PPM1H: variants seen among roughly 807,000 people sequenced by gnomAD.
PPM1H encodes the protein protein phosphatase 1H.
PPM1H carries 27 observed loss-of-function variants against 54.9 expected under a neutral mutation model. The ratio of observed to expected loss-of-function variants is 0.49; its 90% confidence interval spans 0.36 to 0.68. The LOEUF (loss-of-function observed/expected upper bound fraction) is 0.68. PPM1H is among the 30% of genes least tolerant of loss of function. The pLI is 0.00. For synonymous variants in PPM1H, 305 were observed against 270.8 expected, an observed-to-expected ratio of 1.13 and a Z score of -1.24; for missense variants, 596 against 667.8, an observed-to-expected ratio of 0.89 and a Z score of 1.19.
intron 1 of PPM1H, among the ~76,000 whole-genome samples, chr12:62,884,920 G>A: frequency 6.6e-6 from 1 of 152,230 alleles, no homozygotes; most frequent in East Asian, 1.9e-4. Flanking sequence ...TATTGAGGGT[G>A]TATTAGTCTA....
At chr12:62,791,204 T>C (rs772474135) in intron 3 of PPM1H, among the ~76,000 whole-genome samples, 2 of 152,132 alleles carry the variant, frequency 1.3e-5, no homozygotes, top group Non-Finnish European at 2.9e-5. Flanking sequence ...CAGAAACCCA[T>C]GCTTCAATTA....
At position 62,769,104 on chromosome 12, in the gene PPM1H, T is replaced by A. The variant is rs533064962; in HGVS notation, c.869+19122A>T. 3.9e-5 allele frequency among the ~76,000 whole-genome samples: 6 copies of A among 152,216 alleles called. No homozygotes were observed. The South Asian group carries it at 1.0e-3, about 26-fold the overall frequency. On this transcript the variant is annotated intron_variant, in intron 4 of 9. Coordinates refer to ENST00000228705, the MANE Select transcript of PPM1H (RefSeq NM_020700.2). Reference sequence around the variant, plus strand: ...TGAGAGTTCTTGCAGAAATGTTGGGTCAACCAGAAGACTGCTTGCTGGCAA... The same window carrying A: ...TGAGAGTTCTTGCAGAAATGTTGGGACAACCAGAAGACTGCTTGCTGGCAA...
At chr12:62,685,676 TA>T (rs2076047178) in intron 8 of PPM1H, among the ~76,000 whole-genome samples, 1 of 152,194 alleles carries the variant, frequency 6.6e-6, no homozygotes, top group Non-Finnish European at 1.5e-5. Flanking sequence ...AAGTTTCAGT[TA>T]AACAGGAGGA....
chr12:62,684,278 T>G (rs940141383), intron 8 of PPM1H, among the ~76,000 whole-genome samples: 9 of 152,112 alleles, frequency 5.9e-5, no homozygotes, highest in Non-Finnish European at 1.2e-4. Context: ...GGGCCTCTCT[T>G]GGAATTCAGT....
intron 6 of PPM1H, among the ~76,000 whole-genome samples, chr12:62,706,066 A>C (rs2076172550): frequency 6.6e-6 from 1 of 152,232 alleles, no homozygotes. Flanking sequence ...AGCCACATGC[A>C]GGGACTTTAA....
chr12:62,882,242 A>G (rs1417176460), intron 1 of PPM1H, among the ~76,000 whole-genome samples: 1 of 152,232 alleles, frequency 6.6e-6, no homozygotes, highest in East Asian at 1.9e-4. Context: ...GTGCCCTGCT[A>G]GAGTCTGGAG....
intron 4 of PPM1H, among the ~76,000 whole-genome samples, chr12:62,768,858 C>T (rs985633262): frequency 8.5e-5 from 13 of 152,134 alleles, no homozygotes; most frequent in South Asian, 4.1e-4. Context: ...AATCTAAGTA[C>T]GGAGAGGCAC....
chr12:62,755,377 G>C, intron 4 of PPM1H: 2 of 810,224 alleles, frequency 2.5e-6, no homozygotes, highest in Non-Finnish European at 4.3e-6. Context: ...GTATGATTTT[G>C]TCTGTGGCAA....
At chr12:62,713,418 G>A (rs1399497435) in intron 6 of PPM1H, among the ~76,000 whole-genome samples, 1 of 152,070 alleles carries the variant, frequency 6.6e-6, no homozygotes, top group African/African-American at 2.4e-5. Flanking sequence ...GAGGGGAGGT[G>A]CGCTACTGAC....
chr12:62,841,568 T>C (rs1226620339), intron 1 of PPM1H, among the ~76,000 whole-genome samples: 1 of 152,186 alleles, frequency 6.6e-6, no homozygotes, highest in Non-Finnish European at 1.5e-5. Context: ...CCTGAACTTA[T>C]TAGGTTGAAT....
intron 4 of PPM1H, among the ~76,000 whole-genome samples, chr12:62,774,403 G>A (rs868276931): frequency 1.3e-5 from 2 of 152,086 alleles, no homozygotes; most frequent in African/African-American, 4.8e-5. Context: ...GTGCAGTGGC[G>A]TGATCAAGGT....
At chr12:62,869,760 C>T (rs963367567) in intron 1 of PPM1H, among the ~76,000 whole-genome samples, 1 of 152,166 alleles carries the variant, frequency 6.6e-6, no homozygotes, top group Non-Finnish European at 1.5e-5. Flanking sequence ...TCCATCACAG[C>T]CTCAAGAATG....
At position 62,674,020 on chromosome 12, in the gene PPM1H, C is replaced by T. The variant is rs144397251; in HGVS notation, c.1246-6691G>A. 3.7e-3 allele frequency among the ~76,000 whole-genome samples: 559 copies of T among 152,030 alleles called. 2 individuals are homozygous for T. Among genetic ancestry groups the T allele is most frequent in the African/African-American group, 0.013 (539 of 41,516 alleles). ...GTACACACCACTGCACCTGGCCTAG[C>T]GCTCAATTTTCCTATCTCTGAAATC... On this transcript the variant is annotated intron_variant, in intron 8 of 9. Coordinates refer to ENST00000228705, the MANE Select transcript of PPM1H (RefSeq NM_020700.2).
intron 1 of PPM1H, among the ~76,000 whole-genome samples, chr12:62,922,819 A>G (rs1306555803): frequency 6.6e-6 from 1 of 152,214 alleles, no homozygotes; most frequent in Non-Finnish European, 1.5e-5. Context: ...TTGATTCATC[A>G]TGAGCACTTT....
At chr12:62,810,844 G>T (rs1166942539) in intron 2 of PPM1H, among the ~76,000 whole-genome samples, 2 of 152,156 alleles carry the variant, frequency 1.3e-5, no homozygotes, top group African/African-American at 2.4e-5. Context: ...GATGATAAAG[G>T]ACAAGGCAAA....
At chr12:62,705,655 C>T (rs1303911186) in intron 6 of PPM1H, among the ~76,000 whole-genome samples, 1 of 152,176 alleles carries the variant, frequency 6.6e-6, no homozygotes. Context: ...GGTGTGCATT[C>T]ACACTTGGCC....
At chr12:62,899,327 TTGGGAGGCCAAGG>T (rs1462385950) in intron 1 of PPM1H, among the ~76,000 whole-genome samples, 1 of 151,780 alleles carries the variant, frequency 6.6e-6, no homozygotes, top group African/African-American at 2.4e-5. Flanking sequence ...TACCAGACAC[TTGGGAGGCCAAGG>T]TGGGAGGACC....
At chr12:62,818,171 C>T (rs80052185) in intron 2 of PPM1H, among the ~76,000 whole-genome samples, 10 of 152,284 alleles carry the variant, frequency 6.6e-5, no homozygotes, top group Admixed American at 3.3e-4. Flanking sequence ...TGTAAGTACA[C>T]GCACTTCTTA....
chr12:62,808,200 G>GT (rs1477991470), intron 2 of PPM1H, among the ~76,000 whole-genome samples: 1 of 152,092 alleles, frequency 6.6e-6, no homozygotes, highest in Non-Finnish European at 1.5e-5. Flanking sequence ...ATATGAACTC[G>GT]TTTAATCCTT....
Sources: gnomAD v4.1 joint callset for allele counts (sites outside exome capture counted in the v4.1 genomes callset) on GRCh38, gnomAD v4.1.1 for gene constraint, MANE v1.5 for transcripts, NCBI Gene and HGNC (gene_info 2026-07-23, HGNC 2026-07-21) for gene names.